The following SIPA1L1 variants were observed in gnomAD, a reference collection of about 807,000 sequenced individuals.
SIPA1L1 encodes the protein signal induced proliferation associated 1 like 1.
SIPA1L1 carries 26 observed loss-of-function variants against 162.7 expected under a neutral mutation model. The ratio of observed to expected loss-of-function variants is 0.16; its 90% CI spans 0.12 to 0.22. The LOEUF (loss-of-function observed/expected upper bound fraction) is 0.22. Among genes scored for constraint, SIPA1L1 ranks in the 10% least tolerant of loss-of-function variants. The pLI is 1.00. For missense variants in SIPA1L1, 1,874 were observed against 2,241.0 expected, an observed-to-expected ratio of 0.84 and a Z score of 3.31; for synonymous variants, 829 against 837.4, an observed-to-expected ratio of 0.99 and a Z score of 0.17.
At chr14:71,685,759 C>A in intron 13 of SIPA1L1, 128 bp downstream of exon 13, 1 of 1,182,578 alleles carries the variant, frequency 8.5e-7, no homozygotes, top group Non-Finnish European at 1.2e-6. Context: ...GAGGTGCATA[C>A]CGTAGTGACT....
chr14:71,701,075 G>C (rs1247103561), intron 14 of SIPA1L1, among the ~76,000 whole-genome samples: 1 of 137,290 alleles, frequency 7.3e-6, no homozygotes, highest in East Asian at 2.1e-4. Flanking sequence ...CTTCTACTTT[G>C]CAGATGCTTT....
rs550903757 is a variant in SIPA1L1, at chr14:71,393,706, A to C, written c.-465+72525A>C. Among the ~76,000 whole-genome samples, 5 of 152,322 alleles carry C rather than the reference A, an allele frequency of 3.3e-5. No individual in the cohort carries two copies. The East Asian group carries it at 9.6e-4, about 29-fold the overall frequency. On this transcript the variant is annotated intron_variant, in intron 2 of 23. Coordinates refer to ENST00000381232, the MANE Select transcript of SIPA1L1 (RefSeq NM_001386936.1). ...ATTGGTGGCATGTACCTGAAGTCCC[A>C]GCTACTTGGGAGGCTGAGATGGGAG...
intron 2 of SIPA1L1, among the ~76,000 whole-genome samples, chr14:71,382,655 G>A (rs185812471): frequency 6.6e-6 from 1 of 152,094 alleles, no homozygotes; most frequent in African/African-American, 2.4e-5. Context: ...CCTCGGTAAG[G>A]GTTTTTTTTT....
chr14:71,409,375 C>A (rs1276594423), intron 2 of SIPA1L1, among the ~76,000 whole-genome samples: 1 of 152,012 alleles, frequency 6.6e-6, no homozygotes, highest in African/African-American at 2.4e-5. Context: ...CTTATGGGTC[C>A]TTTGGTTAGA....
chr14:71,410,613 A>T (rs189330142), intron 2 of SIPA1L1, among the ~76,000 whole-genome samples: 6 of 152,238 alleles, frequency 3.9e-5, no homozygotes, highest in Non-Finnish European at 8.8e-5. Flanking sequence ...AAGTGCTCCA[A>T]TGAGCATTTC....
chr14:71,533,068 A>G lies in SIPA1L1; in HGVS notation c.-303+3698A>G, dbSNP rs531842906. On this transcript the variant is annotated intron_variant, in intron 4 of 23. Coordinates refer to ENST00000381232, the MANE Select transcript of SIPA1L1 (RefSeq NM_001386936.1). ...TCTCAGTATTTAGAATGGAAATATGATACTCCTCTCTTCCCTTTCGAAAAT... is the reference window on the plus strand; with the variant it reads ...TCTCAGTATTTAGAATGGAAATATGGTACTCCTCTCTTCCCTTTCGAAAAT... Among the ~76,000 whole-genome samples the G allele has an allele frequency of 2.0e-5, 3 of 152,278 alleles. No individual in the cohort carries two copies. In the South Asian group the frequency reaches 6.2e-4, roughly 32 times the overall value.
At chr14:71,351,994 A>T (rs2036763211) in intron 2 of SIPA1L1, among the ~76,000 whole-genome samples, 1 of 150,984 alleles carries the variant, frequency 6.6e-6, no homozygotes, top group Non-Finnish European at 1.5e-5. Context: ...ATAGTGTGCT[A>T]GGTATTAACA....
chr14:71,603,777 G>A (rs2037093495), intron 5 of SIPA1L1, among the ~76,000 whole-genome samples: 1 of 151,644 alleles, frequency 6.6e-6, no homozygotes, highest in Non-Finnish European at 1.5e-5. Context: ...AAAAAAATCA[G>A]CCAGGCACGT....
chr14:71,546,080 C>T (rs1048243869), intron 4 of SIPA1L1, among the ~76,000 whole-genome samples: 2 of 151,658 alleles, frequency 1.3e-5, no homozygotes, highest in Non-Finnish European at 2.9e-5. Context: ...GAGACCCTGT[C>T]TCAGGAAAAA....
intron 4 of SIPA1L1, among the ~76,000 whole-genome samples, chr14:71,547,218 A>G (rs1218158297): frequency 1.4e-5 from 2 of 144,760 alleles, no homozygotes; most frequent in Non-Finnish European, 3.0e-5. Flanking sequence ...AATAACTTTT[A>G]TTTTTTGTTC....
At chr14:71,341,779 A>G (rs2035681557) in intron 2 of SIPA1L1, among the ~76,000 whole-genome samples, 1 of 152,040 alleles carries the variant, frequency 6.6e-6, no homozygotes, top group African/African-American at 2.4e-5. Context: ...TCCTGCTTTA[A>G]TTTGCTTAGA....
At chr14:71,566,405 T>G (rs1462268746) in intron 4 of SIPA1L1, among the ~76,000 whole-genome samples, 3 of 152,152 alleles carry the variant, frequency 2.0e-5, no homozygotes, top group Non-Finnish European at 4.4e-5. Context: ...ACCAAGAGTG[T>G]TTGGCATGAA....
At chr14:71,497,510 C>T (rs1182406573) in intron 2 of SIPA1L1, among the ~76,000 whole-genome samples, 1 of 152,206 alleles carries the variant, frequency 6.6e-6, no homozygotes, top group South Asian at 2.1e-4. Flanking sequence ...CCTATAATCT[C>T]TGGCAACCAC....
At chr14:71,730,430 C>A in intron 20 of SIPA1L1, 129 bp downstream of exon 20, 1 of 1,070,230 alleles carries the variant, frequency 9.3e-7, no homozygotes, top group Non-Finnish European at 1.4e-6. Flanking sequence ...GCTCACCCGC[C>A]CCTTCCTCAT....
chr14:71,622,971 C>A (rs558341021), intron 6 of SIPA1L1, among the ~76,000 whole-genome samples: 46 of 152,314 alleles, frequency 3.0e-4, no homozygotes, highest in Non-Finnish European at 5.9e-4. Context: ...TTCCCAATCT[C>A]CATACCTTTG....
intron 2 of SIPA1L1, among the ~76,000 whole-genome samples, chr14:71,434,261 T>TG (rs1205633167): frequency 6.6e-6 from 1 of 152,046 alleles, no homozygotes; most frequent in Non-Finnish European, 1.5e-5. Context: ...ATGTCCTGTA[T>TG]GTTTAGGTGC....
At chr14:71,700,994 CA>C (rs539293669) in intron 14 of SIPA1L1, among the ~76,000 whole-genome samples, 16 of 51,742 alleles carry the variant, frequency 3.1e-4, no homozygotes, top group Non-Finnish European at 4.7e-4. Flanking sequence ...GACTCCGTCT[CA>C]AAAAAAAAAA....
rs78091494 is a variant in SIPA1L1 at position 71,727,883 on chromosome 14, C to T, written c.4615-2172C>T. Among the ~76,000 whole-genome samples, 82 of 152,334 alleles carry T rather than the reference C, an allele frequency of 5.4e-4. No homozygotes were observed. The East Asian group carries it at 5.4e-3, about 10-fold the overall frequency. ...TTCTCCTACCTTTTAATGAGCAGAA[C>T]GCCTTCGGGGTAGGTTGCTTCCTCT... On this transcript the variant is annotated intron_variant, in intron 19 of 23. Transcript: ENST00000381232.
In SIPA1L1 at chr14:71,574,826, G is replaced by A. The variant is rs556724328; in HGVS notation, c.-302-12745G>A. 2.0e-5 allele frequency: 3 copies of A among 152,160 alleles called. No individual in the cohort carries two copies. The East Asian group carries it at 5.8e-4, about 29-fold the overall frequency. 9.4% of individuals were successfully genotyped at this position (152,160 alleles called of 1,614,324 possible). A position where few individuals can be genotyped will look rare whatever the true frequency, so the allele number is the denominator to read the frequency against. On this transcript the variant is annotated intron_variant, in intron 4 of 23. Coordinates refer to ENST00000381232, the MANE Select transcript of SIPA1L1 (RefSeq NM_001386936.1). ...TAAATGATCAAGTTAATACATTTGT[G>A]AGGAAAATCTCACTTAGAAATCAGA...
Sources: allele counts gnomAD v4.1 joint callset (sites outside exome capture counted in the v4.1 genomes callset), GRCh38; gene constraint gnomAD v4.1.1; transcripts MANE v1.5; gene names NCBI Gene and HGNC (gene_info 2026-07-23, HGNC 2026-07-21).